The following KLHL6 variants were observed in gnomAD, a reference collection of about 807,000 sequenced individuals.
The protein encoded by KLHL6 is kelch-like protein 6.
A neutral mutation model predicts 58.6 loss-of-function variants in KLHL6; 41 were observed. The observed-to-expected ratio is 0.70, with a 90% CI of 0.55 to 0.91. The LOEUF is 0.91. Among genes scored for constraint, KLHL6 ranks in the 40% least tolerant of loss-of-function variants. The probability of loss-of-function intolerance (pLI) is 0.00; values close to 1 mark genes in which losing one functional copy is unlikely to be tolerated. For missense variants in KLHL6, 714 were observed against 805.6 expected, an observed-to-expected ratio of 0.89 and a Z score of 1.38; for synonymous variants, 338 against 322.7, an observed-to-expected ratio of 1.05 and a Z score of -0.51.
Position 183,492,542 on chromosome 3 carries a change from C to A in KLHL6, c.1516G>T (p.Ala506Ser), listed in dbSNP as rs1398132965. 2.5e-6 allele frequency: 4 copies of A among 1,614,118 alleles called. No homozygotes were observed. Among genetic ancestry groups the A allele is most frequent in the South Asian group, 2.2e-5 (2 of 91,090 alleles). Residue 506 changes from alanine (A) to serine (S), a missense_variant, in exon 6 of 7, where the codon GCT becomes TCT. By Grantham distance (99) the Ala-to-Ser change is moderately conservative. Transcript: ENST00000341319. The surrounding 1 kb of genome is among the most constrained non-coding windows in gnomAD (Gnocchi z 5.9). ...WSLKAAMPVEAKCINAVSFRD... is the reference protein window; with the variant it reads ...WSLKAAMPVESKCINAVSFRD... ...AAACTCACTGCATTGATGCATTTAG[C>A]CTCCACGGGCATGGCCGCCTTCAAA...
intron 1 of KLHL6, among the ~76,000 whole-genome samples, chr3:183,536,031 C>T (rs956688818): frequency 5.3e-5 from 8 of 152,230 alleles, no homozygotes; most frequent in Non-Finnish European, 1.2e-4. Context: ...CCCTCGGGCT[C>T]CCAAAGTGCT....
intron 1 of KLHL6, among the ~76,000 whole-genome samples, chr3:183,539,178 T>C (rs1712468069): frequency 6.6e-6 from 1 of 152,198 alleles, no homozygotes; most frequent in Non-Finnish European, 1.5e-5. Flanking sequence ...ATCAAGGTCA[T>C]GGAAACAATT....
At chr3:183,542,888 A>ATGGATGGATGGATGGATGGATGGG (rs1553813934) in intron 1 of KLHL6, among the ~76,000 whole-genome samples, 4 of 146,944 alleles carry the variant, frequency 2.7e-5, no homozygotes, top group Non-Finnish European at 5.9e-5. Flanking sequence ...GGATGGATGG[A>ATGGATGGATGGATGGATGGATGGG]TGGATGGATG....
chr3:183,552,998 G>A (rs544656262), intron 1 of KLHL6, among the ~76,000 whole-genome samples: 1 of 152,246 alleles, frequency 6.6e-6, no homozygotes, highest in East Asian at 1.9e-4. Flanking sequence ...TGATACAGAA[G>A]CTACAGGGCC....
rs773791242 is a variant in KLHL6 at position 183,508,233 on chromosome 3, G to C, written c.735C>G (p.His245Gln). ...VFETVMSWVR[H>Q]KPSERLCLLP... is the part of the protein sequence containing the mutation. ...GTAAGCAGAGTCGTTCTGATGGCTT[G>C]TGCCGGACCCAGCTCATCACGGTCT... The change falls in exon 3 of 7, where the codon CAC becomes CAG. Residue 245 changes from histidine to glutamine, a missense_variant. His to Gln is a conservative substitution (Grantham distance 24). Around this residue, in one of 2 missense-constraint regions of KLHL6, gnomAD observed 510 missense variants for 629.7 expected, o/e 0.81. Transcript: ENST00000341319. 1.2e-5 allele frequency: 20 copies of C among 1,613,704 alleles called. No homozygotes were observed. In the African/African-American group the frequency reaches 2.4e-4, roughly 19 times the overall value.
Position 183,491,839 on chromosome 3 carries a change from C to G in KLHL6, c.*88G>C, listed in dbSNP as rs1384521464. On this transcript the variant is annotated 3_prime_UTR_variant, in exon 7 of 7. Transcript: ENST00000341319. Reference sequence around the variant, plus strand: ...CTGATGTATGGCCTCAAACTCGAGCCTGCTGCCTGAAGTGGGACTGGAGGA... The same window carrying G: ...CTGATGTATGGCCTCAAACTCGAGCGTGCTGCCTGAAGTGGGACTGGAGGA... 5 of 1,229,860 alleles carry G rather than the reference C, an allele frequency of 4.1e-6. No individual in the cohort carries two copies. The Admixed American group carries it at 1.5e-4, about 38-fold the overall frequency. The allele number at this position is 1,229,860 out of a possible 1,614,324, so 76.2% of individuals were successfully genotyped here.
Position 183,491,119 on chromosome 3 carries a change from T to C in KLHL6, c.*808A>G, listed in dbSNP as rs950096338. On this transcript the variant is annotated 3_prime_UTR_variant, in exon 7 of 7. Transcript: ENST00000341319. ...TTTGTTTTTGTTTTTGTTTTTGTTT[T>C]TGTTTTGAAGACAGAGCTTCACTTT... 1.0e-5 allele frequency: 1 copy of C among 97,586 alleles called. No individual in the cohort carries two copies. The highest frequency in any genetic ancestry group is 2.1e-5 in the Non-Finnish European group (1 of 48,758). 6.0% of individuals were successfully genotyped at this position (97,586 alleles called of 1,614,324 possible). A position where few individuals can be genotyped will look rare whatever the true frequency, so the allele number is the denominator to read the frequency against.
chr3:183,499,687 C>T lies in KLHL6; in HGVS notation c.1050G>A (p.Val350=), dbSNP rs1434884772. ...CATGCTCTGTTAGCGGGAGCTTGGC[C>T]ACCTCCAGGCGGCTGCGCCTCAGGG... is the stretch of plus-strand genomic sequence containing the variant. ...LDPLRRSRLE[V]AKLPLTEHEL... The change falls in exon 4 of 7, where the codon GTG becomes GTA. Residue 350 remains valine (V), a synonymous_variant. Coordinates refer to ENST00000341319, the MANE Select transcript of KLHL6 (RefSeq NM_130446.4). This position sits in a 1 kb window ranked among gnomAD's most constrained non-coding sequence, Gnocchi z 4.6. 6.2e-7 allele frequency: 1 copy of T among 1,611,264 alleles called. No homozygotes were observed. Among genetic ancestry groups the T allele is most frequent in the East Asian group, 2.2e-5 (1 of 44,836 alleles).
chr3:183,503,834 A>G (rs1183531779), intron 3 of KLHL6, among the ~76,000 whole-genome samples: 1 of 152,158 alleles, frequency 6.6e-6, no homozygotes, highest in African/African-American at 2.4e-5. Flanking sequence ...ATAGGACAAG[A>G]GGGTTAAAGT....
At chr3:183,549,228 TC>T in intron 1 of KLHL6, among the ~76,000 whole-genome samples, 1 of 152,258 alleles carries the variant, frequency 6.6e-6, no homozygotes, top group South Asian at 2.1e-4. Context: ...GCCATGTAGG[TC>T]TGTATTAAAA....
chr3:183,530,609 T>C (rs368720625), intron 1 of KLHL6, among the ~76,000 whole-genome samples: 4 of 152,156 alleles, frequency 2.6e-5, no homozygotes, highest in African/African-American at 9.7e-5. Flanking sequence ...TGGAAAATTC[T>C]CAGCCTACCC....
In KLHL6 at chr3:183,494,131, T is replaced by G; in HGVS notation, c.1298A>C (p.Gln433Pro). The change falls in exon 5 of 7, where the codon CAG (glutamine) becomes CCG (proline). Residue 433 changes from glutamine (Q) to proline (P), a missense_variant. Gln to Pro is a moderately conservative substitution (Grantham distance 76). Around this residue, in one of 2 missense-constraint regions of KLHL6, gnomAD observed 510 missense variants for 629.7 expected, o/e 0.81. Coordinates refer to ENST00000341319, the MANE Select transcript of KLHL6 (RefSeq NM_130446.4). ...GTAGGTCTCCACATTGTTGATTCTC[T>G]GTAAGCCGTCAAAGCCTCCGATCAC... ...VYVIGGFDGL[Q>P]RINNVETYDP... 6.2e-7 allele frequency: 1 copy of G among 1,614,232 alleles called. No homozygotes were observed. Among genetic ancestry groups the G allele is most frequent in the Non-Finnish European group, 8.5e-7 (1 of 1,180,038 alleles).
chr3:183,517,352 T>TC (rs1005983843), intron 2 of KLHL6, among the ~76,000 whole-genome samples: 3 of 152,200 alleles, frequency 2.0e-5, no homozygotes, highest in African/African-American at 7.2e-5. Flanking sequence ...ATTCTAATCT[T>TC]CCATCCTCAC....
chr3:183,545,423 A>T (rs1217236189), intron 1 of KLHL6, among the ~76,000 whole-genome samples: 2 of 152,238 alleles, frequency 1.3e-5, no homozygotes, highest in Admixed American at 1.3e-4. Flanking sequence ...GGTTTGATGC[A>T]GGGATAAAGC....
At position 183,492,725 on chromosome 3, in the gene KLHL6, A is replaced by T; in HGVS notation, c.1351-18T>A. On this transcript the variant is annotated intron_variant, in intron 5 of 6. Coordinates refer to ENST00000341319, the MANE Select transcript of KLHL6 (RefSeq NM_130446.4). The surrounding 1 kb of genome is among the most constrained non-coding windows in gnomAD (Gnocchi z 5.9). ...GGTGCGGCCTGTAGAGGCACAGGGC[A>T]CAAGAAGAAGCTGTCAGTCATGCTG... 6.2e-7 allele frequency: 1 copy of T among 1,611,306 alleles called. No homozygotes were observed. The highest frequency in any genetic ancestry group is 2.1e-4 in the Middle Eastern group (1 of 4,750).
At position 183,488,073 on chromosome 3, in the gene KLHL6, T is replaced by C. The variant is rs1717449328; in HGVS notation, c.*3854A>G. On this transcript the variant is annotated 3_prime_UTR_variant, in exon 7 of 7. Coordinates refer to ENST00000341319, the MANE Select transcript of KLHL6 (RefSeq NM_130446.4). The stretch of plus-strand genomic sequence containing the variant: ...GCTTTGAGTTCAAGGGCATGGTGTA[T>C]GTGTATATGTGTGTTTCCCGAAGCC... 6.6e-6 allele frequency: 1 copy of C among 152,224 alleles called. No individual in the cohort carries two copies. Among genetic ancestry groups the C allele is most frequent in the Admixed American group, 6.5e-5 (1 of 15,286 alleles). 9.4% of individuals were successfully genotyped at this position (152,224 alleles called of 1,614,324 possible).
At chr3:183,550,330 T>G (rs1469057599) in intron 1 of KLHL6, among the ~76,000 whole-genome samples, 1 of 152,012 alleles carries the variant, frequency 6.6e-6, no homozygotes, top group East Asian at 1.9e-4. Flanking sequence ...TACCAGGCAG[T>G]AATATGAGGA....
chr3:183,508,410 C>G lies in KLHL6; in HGVS notation c.558G>C (p.Leu186=). ...GILRLADTHS[L]DSLKKQVQSY... is the part of the protein sequence containing the mutation. ...TCTGAACCTGCTTCTTTAGACTGTCCAGCGAGTGTGTGTCAGCCAGCCTCA... is the reference window on the plus strand; with the variant it reads ...TCTGAACCTGCTTCTTTAGACTGTCGAGCGAGTGTGTGTCAGCCAGCCTCA... The change falls in exon 3 of 7, where the codon CTG becomes CTC. Residue 186 remains leucine, a synonymous_variant. Transcript: ENST00000341319. 6.2e-7 allele frequency: 1 copy of G among 1,614,154 alleles called. No homozygotes were observed. The highest frequency in any genetic ancestry group is 1.7e-5 in the Admixed American group (1 of 60,006).
rs1490783887 is a variant in KLHL6 at position 183,492,432 on chromosome 3, T to G, written c.1564+62A>C. 1 of 1,568,842 alleles carries G rather than the reference T, an allele frequency of 6.4e-7. No individual in the cohort carries two copies. The highest frequency in any genetic ancestry group is 1.1e-5 in the South Asian group (1 of 88,960). The stretch of plus-strand genomic sequence containing the variant: ...GAGACACCGCGACACACCGTTTACG[T>G]GCTGCAGCCAGGCGCTCATCAGGTT... On this transcript the variant is annotated intron_variant, in intron 6 of 6. Transcript: ENST00000341319. The surrounding 1 kb of genome is among the most constrained non-coding windows in gnomAD (Gnocchi z 5.9).
Sources: allele counts gnomAD v4.1 joint callset (sites outside exome capture counted in the v4.1 genomes callset), GRCh38; gene constraint gnomAD v4.1.1; regional missense constraint gnomAD v4.1.1; non-coding constraint Gnocchi (gnomAD v3.1); transcripts MANE v1.5; gene names NCBI Gene and HGNC (gene_info 2026-07-23, HGNC 2026-07-21).